Variants in ANKS1B observed in about 807,000 individuals in gnomAD.
ANKS1B encodes the protein ankyrin repeat and sterile alpha motif domain-containing protein 1B.
A neutral mutation model predicts 148.3 loss-of-function variants in ANKS1B; 36 were observed. The ratio of observed to expected loss-of-function variants is 0.24; its 90% CI spans 0.19 to 0.32. ANKS1B has a LOEUF of 0.32. Ranked by LOEUF, ANKS1B falls within the 10% of genes least tolerant of loss-of-function variation. ANKS1B has a pLI of 1.00. For synonymous variants in ANKS1B, 542 were observed against 560.8 expected, an observed-to-expected ratio of 0.97 and a Z score of 0.47; for missense variants, 1,157 against 1,542.6, an observed-to-expected ratio of 0.75 and a Z score of 4.19.
In ANKS1B at chr12:99,917,220, A is replaced by G. The variant is rs111634224; in HGVS notation, c.134+66884T>C. 2.2e-3 allele frequency among the ~76,000 whole-genome samples: 328 copies of G among 152,360 alleles called. 1 individual carries two copies. Among genetic ancestry groups the G allele is most frequent in the African/African-American group, 7.6e-3 (316 of 41,590 alleles). On this transcript the variant is annotated intron_variant, in intron 1 of 26. Coordinates refer to ENST00000683438, the MANE Select transcript of ANKS1B (RefSeq NM_001352186.2). ...TCAGATACAAGGAGGTCTGAGAAGG[A>G]GGCATGTGGATGACCCTATAGGTGT...
chr12:98,851,226 A>G (rs1304689836), intron 17 of ANKS1B, among the ~76,000 whole-genome samples: 1 of 152,230 alleles, frequency 6.6e-6, no homozygotes, highest in Admixed American at 6.5e-5. Flanking sequence ...GGACATACTT[A>G]TTGCTTTGAG....
At chr12:99,469,707 T>C (rs903466047) in intron 10 of ANKS1B, among the ~76,000 whole-genome samples, 2 of 152,212 alleles carry the variant, frequency 1.3e-5, no homozygotes, top group Admixed American at 1.3e-4. Flanking sequence ...AAATTTCAAG[T>C]ATCTAGAATT....
intron 8 of ANKS1B, among the ~76,000 whole-genome samples, chr12:99,712,380 T>G (rs529867046): frequency 6.6e-6 from 1 of 152,268 alleles, no homozygotes; most frequent in African/African-American, 2.4e-5. Context: ...CCTATGAAGC[T>G]ACAATTAAGG....
chr12:99,976,562 T>C (rs550802460), intron 1 of ANKS1B, among the ~76,000 whole-genome samples: 1 of 152,348 alleles, frequency 6.6e-6, no homozygotes, highest in South Asian at 2.1e-4. Flanking sequence ...TGATCCAATT[T>C]GATCAAAGAA....
intron 9 of ANKS1B, among the ~76,000 whole-genome samples, chr12:99,520,890 T>G (rs1404249872): frequency 6.6e-6 from 1 of 152,030 alleles, no homozygotes; most frequent in Non-Finnish European, 1.5e-5. Flanking sequence ...TTCACTTCCT[T>G]GGTTCAAACG....
At chr12:99,227,800 C>T (rs906850623) in intron 14 of ANKS1B, among the ~76,000 whole-genome samples, 7 of 152,012 alleles carry the variant, frequency 4.6e-5, no homozygotes, top group Non-Finnish European at 8.8e-5. Flanking sequence ...TACAAATCAG[C>T]GTAAGGTTAA....
chr12:99,287,658 A>G (rs570801285), intron 12 of ANKS1B, among the ~76,000 whole-genome samples: 1 of 152,346 alleles, frequency 6.6e-6, no homozygotes, highest in African/African-American at 2.4e-5. Context: ...ATTTAAGATA[A>G]CACAGAGAAG....
At chr12:98,991,479 T>C (rs557111701) in intron 17 of ANKS1B, among the ~76,000 whole-genome samples, 2 of 152,302 alleles carry the variant, frequency 1.3e-5, no homozygotes, top group East Asian at 3.9e-4. Context: ...TTAGTATAAA[T>C]CAAGTACTTT....
At chr12:99,129,954 A>G (rs2065631406) in intron 15 of ANKS1B, among the ~76,000 whole-genome samples, 1 of 152,182 alleles carries the variant, frequency 6.6e-6, no homozygotes. Flanking sequence ...TTCTGTATTT[A>G]TTATTTGAGT....
chr12:99,860,274 G>C (rs1853016736), intron 1 of ANKS1B, among the ~76,000 whole-genome samples: 1 of 152,180 alleles, frequency 6.6e-6, no homozygotes, highest in Admixed American at 6.5e-5. Context: ...CTTGAGTGGT[G>C]TCCTAAAAGG....
At chr12:99,151,035 A>ATT (rs1205571310) in intron 15 of ANKS1B, among the ~76,000 whole-genome samples, 3 of 152,150 alleles carry the variant, frequency 2.0e-5, no homozygotes, top group Non-Finnish European at 4.4e-5. Context: ...ATTTCTATTT[A>ATT]TTTTACATTT....
chr12:99,661,739 A>G (rs1468145346), intron 8 of ANKS1B, among the ~76,000 whole-genome samples: 2 of 152,122 alleles, frequency 1.3e-5, no homozygotes, highest in South Asian at 2.1e-4. Context: ...TTATTCTTGT[A>G]TGGTACTAAT....
chr12:99,623,373 C>T (rs78000448), intron 9 of ANKS1B, among the ~76,000 whole-genome samples: 11,335 of 151,904 alleles, frequency 0.075, 668 homozygotes, highest in East Asian at 0.24. Context: ...TCTCACCACC[C>T]CTATTCAACA....
chr12:99,450,329 C>G (rs568620256), intron 10 of ANKS1B, among the ~76,000 whole-genome samples: 1 of 152,288 alleles, frequency 6.6e-6, no homozygotes, highest in East Asian at 1.9e-4. Context: ...TAATCTCATC[C>G]AAAAACACCT....
chr12:98,962,245 C>T (rs2099872665), intron 17 of ANKS1B, among the ~76,000 whole-genome samples: 1 of 151,182 alleles, frequency 6.6e-6, no homozygotes, highest in South Asian at 2.1e-4. Context: ...AAAAAATATA[C>T]TATGCAAATG....
In ANKS1B at chr12:99,387,755, A is replaced by G. The variant is rs1245449189; in HGVS notation, c.1756+11876T>C. On this transcript the variant is annotated intron_variant, in intron 12 of 26. Coordinates refer to ENST00000683438, the MANE Select transcript of ANKS1B (RefSeq NM_001352186.2). ...TCGGTGTGGCCTCCCCAGCTTCTGGAACTCAGGAAAGTTAATTTCTGTGGT... is the reference window on the plus strand; with the variant it reads ...TCGGTGTGGCCTCCCCAGCTTCTGGGACTCAGGAAAGTTAATTTCTGTGGT... Among the ~76,000 whole-genome samples, 8 of 150,596 alleles carry G rather than the reference A, an allele frequency of 5.3e-5. No individual in the cohort carries two copies. In the East Asian group the frequency reaches 1.4e-3, roughly 26 times the overall value.
chr12:99,390,440 A>G (rs1326520895), intron 12 of ANKS1B, among the ~76,000 whole-genome samples: 1 of 152,182 alleles, frequency 6.6e-6, no homozygotes, highest in Non-Finnish European at 1.5e-5. Context: ...GACAAATGAG[A>G]AGCCCATCCC....
At chr12:99,781,063 C>CAAAAAAAAAAAAAA (rs35901124) in intron 5 of ANKS1B, among the ~76,000 whole-genome samples, 3 of 120,234 alleles carry the variant, frequency 2.5e-5, no homozygotes, top group African/African-American at 3.2e-5. Context: ...CACATAATTG[C>CAAAAAAAAAAAAAA]AAAAAAAAAA....
intron 1 of ANKS1B, among the ~76,000 whole-genome samples, chr12:99,864,714 T>C (rs2090504344): frequency 6.6e-6 from 1 of 152,162 alleles, no homozygotes; most frequent in Admixed American, 6.5e-5. Flanking sequence ...AGCTGTGAAA[T>C]GATATAATAA....
Sources: allele counts gnomAD v4.1 joint callset (sites outside exome capture counted in the v4.1 genomes callset), GRCh38; gene constraint gnomAD v4.1.1; transcripts MANE v1.5; gene names NCBI Gene and HGNC (gene_info 2026-07-23, HGNC 2026-07-21).